The following GEN1 variants were observed in gnomAD, a reference collection of about 807,000 sequenced individuals.
The protein encoded by GEN1 is GEN1 structure-specific endonuclease, also known as flap endonuclease GEN homolog 1.
GEN1 carries 64 observed loss-of-function variants against 67.6 expected under a neutral mutation model. That is an observed-to-expected ratio of 0.95 (90% CI 0.77 to 1.17). The LOEUF is 1.17. Ranked by LOEUF, GEN1 falls within the 50% of genes most tolerant of loss-of-function variation. The pLI is 0.00. For synonymous variants in GEN1, 371 were observed against 359.4 expected (o/e 1.03, Z -0.37); for missense variants, 1,058 against 1,048.3 (o/e 1.01, Z -0.13).
intron 3 of GEN1, among the ~76,000 whole-genome samples, chr2:17,764,648 C>T (rs1486140520): frequency 6.6e-6 from 1 of 151,962 alleles, no homozygotes; most frequent in African/African-American, 2.4e-5. Flanking sequence ...AAGATGATTC[C>T]TAAAAAATAA....
intron 6 of GEN1, among the ~76,000 whole-genome samples, chr2:17,769,046 G>C (rs931244760): frequency 6.6e-6 from 1 of 151,678 alleles, no homozygotes; most frequent in Non-Finnish European, 1.5e-5. Context: ...TGGAGACAAG[G>C]TCTCACTGTG....
Position 17,754,173 on chromosome 2 carries a change from T to A in GEN1, c.-188T>A, listed in dbSNP as rs1671274509. The A allele has an allele frequency of 6.6e-6, 1 of 150,812 alleles. No individual in the cohort carries two copies. Among genetic ancestry groups the A allele is most frequent in the Non-Finnish European group, 1.5e-5 (1 of 67,934 alleles). The allele number at this position is 150,812 out of a possible 1,614,324, so 9.3% of individuals were successfully genotyped here. On this transcript the variant is annotated 5_prime_UTR_variant, in exon 1 of 14. Coordinates refer to ENST00000381254, the MANE Select transcript of GEN1 (RefSeq NM_001130009.3). Reference sequence around the variant, plus strand: ...AAACGCTTCCTGGTGCTCCTGGGCCTGGCGGTTGAGCCCGGGGAGCTAGTC... The same window carrying A: ...AAACGCTTCCTGGTGCTCCTGGGCCAGGCGGTTGAGCCCGGGGAGCTAGTC...
upstream of GEN1, among the ~76,000 whole-genome samples, chr2:17,753,354 C>T (rs1671181256): frequency 6.6e-6 from 1 of 152,176 alleles, no homozygotes; most frequent in African/African-American, 2.4e-5. Context: ...GGGACGGCCG[C>T]CTGGGAGGGG....
In GEN1 at chr2:17,773,227, A is replaced by G. The variant is rs1455109201; in HGVS notation, c.999A>G (p.Gln333=). ...TTCTTTTTTCTTGCTAGGTTATTCA[A>G]GAATTCCTTTTAAACAAGGATAAAT... ...CEGFPFHEVI[Q]EFLLNKDKLV... is the part of the protein sequence containing the mutation. The change falls in exon 10 of 14, where the codon CAA becomes CAG. Residue 333 remains glutamine, a synonymous_variant. Transcript: ENST00000381254. 1 of 1,599,516 alleles carries G rather than the reference A, an allele frequency of 6.3e-7. No homozygotes were observed. Among genetic ancestry groups the G allele is most frequent in the African/African-American group, 1.3e-5 (1 of 74,430 alleles).
rs1673120232 is a variant in GEN1 at position 17,788,294 on chromosome 2, C to G, written c.*6355C>G. ...AGCTTGCATTAGCCTCTTTCAGGAA[C>G]TTGCCACATTGCCTATAAACTGACA... On this transcript the variant is annotated 3_prime_UTR_variant, in exon 14 of 14. Transcript: ENST00000381254. The G allele has an allele frequency of 6.6e-6, 1 of 152,230 alleles. No homozygotes were observed. The highest frequency in any genetic ancestry group is 2.1e-4 in the South Asian group (1 of 4,836). The allele number at this position is 152,230 out of a possible 1,614,324, so 9.4% of individuals were successfully genotyped here. A position where few individuals can be genotyped will look rare whatever the true frequency, so the allele number is the denominator to read the frequency against.
chr2:17,768,956 ATTT>A (rs1045130183), intron 6 of GEN1, 145 bp downstream of exon 6: 1 of 482,276 alleles, frequency 2.1e-6, no homozygotes. Flanking sequence ...AAGATAATTT[ATTT>A]TTATTTATTT....
Position 17,773,401 on chromosome 2 carries a change from A to C in GEN1, c.1071+102A>C, listed in dbSNP as rs974461757. On this transcript the variant is annotated intron_variant, in intron 10 of 13. Transcript: ENST00000381254. ...GTCTTAGAGGAGGTTTAAAATTAAAACAGGCAGCTCTTATATTTTTTCAGC... is the reference window on the plus strand; with the variant it reads ...GTCTTAGAGGAGGTTTAAAATTAAACCAGGCAGCTCTTATATTTTTTCAGC... 121 of 689,224 alleles carry C rather than the reference A, an allele frequency of 1.8e-4. 1 individual carries two copies. Among genetic ancestry groups the C allele is most frequent in the Non-Finnish European group, 2.6e-4 (107 of 409,280 alleles). The allele number at this position is 689,224 out of a possible 1,614,324, so 42.7% of individuals were successfully genotyped here.
chr2:17,761,943 A>C (rs1379750387), intron 3 of GEN1, among the ~76,000 whole-genome samples: 1 of 152,164 alleles, frequency 6.6e-6, no homozygotes, highest in Non-Finnish European at 1.5e-5. Flanking sequence ...CAGGACTTAA[A>C]GAAGTCCCAG....
rs1671273078 is a variant in GEN1, at chr2:17,754,163, C to T, written c.-198C>T. 1 of 151,894 alleles carries T rather than the reference C, an allele frequency of 6.6e-6. No homozygotes were observed. Among genetic ancestry groups the T allele is most frequent in the African/African-American group, 2.4e-5 (1 of 41,316 alleles). The allele number at this position is 151,894 out of a possible 1,614,324, so 9.4% of individuals were successfully genotyped here. A position where few individuals can be genotyped will look rare whatever the true frequency, so the allele number is the denominator to read the frequency against. ...GCTGGATTCGAAACGCTTCCTGGTG[C>T]TCCTGGGCCTGGCGGTTGAGCCCGG... On this transcript the variant is annotated 5_prime_UTR_variant, in exon 1 of 14. Transcript: ENST00000381254.
At position 17,766,622 on chromosome 2, in the gene GEN1, A is replaced by G; in HGVS notation, c.569A>G (p.Lys190Arg). The G allele has an allele frequency of 6.2e-7, 1 of 1,609,898 alleles. No homozygotes were observed. The highest frequency in any genetic ancestry group is 8.5e-7 in the Non-Finnish European group (1 of 1,176,626). The change falls in exon 5 of 14, where the codon AAA (lysine) becomes AGA (arginine). Residue 190 changes from lysine (K) to arginine (R), a missense_variant. Physicochemically the swap from Lys to Arg is conservative, Grantham distance 26. Coordinates refer to ENST00000381254, the MANE Select transcript of GEN1 (RefSeq NM_001130009.3). ...TACACAATGTCATCTATCAAGAGTA[A>G]ACTAGGTTTGGATAGAGATGCTCTG... ...DCYTMSSIKSKLGLDRDALVG... is the reference protein window; with the variant it reads ...DCYTMSSIKSRLGLDRDALVG...
At position 17,785,926 on chromosome 2, in the gene GEN1, A is replaced by C. The variant is rs1281038426; in HGVS notation, c.*3987A>C. ...AAATTTAAATTAAAAAAAAATATACAATCTCCGTCTTCTAGATTTTATAAT... is the reference window on the plus strand; with the variant it reads ...AAATTTAAATTAAAAAAAAATATACCATCTCCGTCTTCTAGATTTTATAAT... On this transcript the variant is annotated 3_prime_UTR_variant, in exon 14 of 14. Transcript: ENST00000381254. The C allele has an allele frequency of 6.6e-6, 1 of 152,118 alleles. No individual in the cohort carries two copies. Among genetic ancestry groups the C allele is most frequent in the Non-Finnish European group, 1.5e-5 (1 of 68,026 alleles). 9.4% of individuals were successfully genotyped at this position (152,118 alleles called of 1,614,324 possible).
rs1157117091 is a variant in GEN1 at position 17,788,543 on chromosome 2, T to C, written c.*6604T>C. ...TTTTGTAAGCATCAAAGAAGAACTT[T>C]AATAAGGATTAAGTGTCTGAGCTTC... On this transcript the variant is annotated 3_prime_UTR_variant, in exon 14 of 14. Transcript: ENST00000381254. 3 of 152,246 alleles carry C rather than the reference T, an allele frequency of 2.0e-5. No homozygotes were observed. The highest frequency in any genetic ancestry group is 4.4e-5 in the Non-Finnish European group (3 of 68,042). The allele number at this position is 152,246 out of a possible 1,614,324, so 9.4% of individuals were successfully genotyped here.
In GEN1 at chr2:17,786,409, T is replaced by C. The variant is rs1393241150; in HGVS notation, c.*4470T>C. 2 of 152,194 alleles carry C rather than the reference T, an allele frequency of 1.3e-5. No homozygotes were observed. The highest frequency in any genetic ancestry group is 2.9e-5 in the Non-Finnish European group (2 of 68,038). The allele number at this position is 152,194 out of a possible 1,614,324, so 9.4% of individuals were successfully genotyped here. ...CACACAAGGGATCCTAACGTGGCAT[T>C]TGAGCTACTGGAAAAAAATTGTGCT... On this transcript the variant is annotated 3_prime_UTR_variant, in exon 14 of 14. Coordinates refer to ENST00000381254, the MANE Select transcript of GEN1 (RefSeq NM_001130009.3).
Position 17,780,734 on chromosome 2 carries a change from A to C in GEN1, c.1522A>C (p.Asn508His). Residue 508 changes from asparagine to histidine, a missense_variant, in exon 14 of 14, where the codon AAT becomes CAT. Coordinates refer to ENST00000381254, the MANE Select transcript of GEN1 (RefSeq NM_001130009.3). ...CTTTCATAAGCAGAATTCCAAGTTAAATTCGGGGATTTCCCCTGATCCTAC... is the reference window on the plus strand; with the variant it reads ...CTTTCATAAGCAGAATTCCAAGTTACATTCGGGGATTTCCCCTGATCCTAC... ...EIFHKQNSKL[N>H]SGISPDPTLP... 6.2e-7 allele frequency: 1 copy of C among 1,613,990 alleles called. No individual in the cohort carries two copies. The highest frequency in any genetic ancestry group is 8.5e-7 in the Non-Finnish European group (1 of 1,179,900).
In GEN1 at chr2:17,761,491, T is replaced by A. The variant is rs148443734; in HGVS notation, c.257T>A (p.Ile86Lys). ...CCACCAAAGCTGAAAGCTGATGTCA[T>A]AAGCAAGAGGAATCAGTCTCGGTAT... The part of the protein sequence containing the change: ...GEPPKLKADV[I>K]SKRNQSRYGS... The change falls in exon 3 of 14, where the codon ATA becomes AAA. Residue 86 changes from isoleucine to lysine, a missense_variant. Coordinates refer to ENST00000381254, the MANE Select transcript of GEN1 (RefSeq NM_001130009.3). 3 of 1,613,156 alleles carry A rather than the reference T, an allele frequency of 1.9e-6. No homozygotes were observed. Among genetic ancestry groups the A allele is most frequent in the African/African-American group, 1.3e-5 (1 of 75,048 alleles).
intron 1 of GEN1, among the ~76,000 whole-genome samples, chr2:17,758,894 G>C (rs986249154): frequency 6.6e-6 from 1 of 151,886 alleles, no homozygotes; most frequent in Admixed American, 6.6e-5. Context: ...GGCAGCACTG[G>C]CCACACTATA....
Position 17,781,279 on chromosome 2 carries a change from A to G in GEN1, c.2067A>G (p.Leu689=), listed in dbSNP as rs745908018. Reference sequence around the variant, plus strand: ...AATTATCATATCCTCAGGATAATCTACAACCAGATGTCAACCTGAAAACTT... The same window carrying G: ...AATTATCATATCCTCAGGATAATCTGCAACCAGATGTCAACCTGAAAACTT... ...FTKLSYPQDN[L]QPDVNLKTLS... The change falls in exon 14 of 14, where the codon CTA becomes CTG. Residue 689 remains leucine (L), a synonymous_variant. Coordinates refer to ENST00000381254, the MANE Select transcript of GEN1 (RefSeq NM_001130009.3). 9 of 1,613,612 alleles carry G rather than the reference A, an allele frequency of 5.6e-6. No homozygotes were observed. The Admixed American group carries it at 1.3e-4, about 24-fold the overall frequency.
At chr2:17,778,931 T>C (rs1475111167) in intron 12 of GEN1, among the ~76,000 whole-genome samples, 1 of 151,548 alleles carries the variant, frequency 6.6e-6, no homozygotes, top group Non-Finnish European at 1.5e-5. Context: ...GTAATAATAC[T>C]TTTTTTTTGA....
rs1259409221 is a variant in GEN1, at chr2:17,788,589, A to G, written c.*6650A>G. 1 of 152,226 alleles carries G rather than the reference A, an allele frequency of 6.6e-6. No individual in the cohort carries two copies. The highest frequency in any genetic ancestry group is 1.5e-5 in the Non-Finnish European group (1 of 68,044). 9.4% of individuals were successfully genotyped at this position (152,226 alleles called of 1,614,324 possible). A position where few individuals can be genotyped will look rare whatever the true frequency, so the allele number is the denominator to read the frequency against. On this transcript the variant is annotated 3_prime_UTR_variant, in exon 14 of 14. Transcript: ENST00000381254. ...GCTTCCTTAGCATTATTCTATTCCA[A>G]GACCCAAAAAGGAAAATAACCTCCC...
Sources: allele counts gnomAD v4.1 joint callset (sites outside exome capture counted in the v4.1 genomes callset), GRCh38; gene constraint gnomAD v4.1.1; transcripts MANE v1.5; gene names NCBI Gene and HGNC (gene_info 2026-07-23, HGNC 2026-07-21).